The following LRRIQ1 variants were observed in gnomAD, a reference collection of about 807,000 sequenced individuals.
LRRIQ1 encodes leucine-rich repeat- and IQ domain-containing protein 1.
Under a neutral mutation model 211.9 loss-of-function variants are expected in LRRIQ1, and 210 were observed. The observed-to-expected ratio is 0.99, with a 90% CI of 0.89 to 1.11. The LOEUF (loss-of-function observed/expected upper bound fraction) is 1.11. Among genes scored for constraint, LRRIQ1 ranks in the 50% most tolerant of loss-of-function variants. The pLI, the probability that LRRIQ1 is intolerant of heterozygous loss-of-function variation, is 0.00. For synonymous variants in LRRIQ1, 699 were observed against 650.1 expected (o/e 1.08, Z -1.14); for missense variants, 2,136 against 1,939.5 (o/e 1.10, Z -1.90).
intron 4 of LRRIQ1, among the ~76,000 whole-genome samples, chr12:85,045,358 A>G (rs1403003492): frequency 6.6e-6 from 1 of 151,932 alleles, no homozygotes; most frequent in Non-Finnish European, 1.5e-5. Flanking sequence ...CATTTTATCC[A>G]GCTTTCTCTC....
At chr12:85,150,719 G>A (rs374942735) in intron 19 of LRRIQ1, among the ~76,000 whole-genome samples, 1 of 151,570 alleles carries the variant, frequency 6.6e-6, no homozygotes, top group Non-Finnish European at 1.5e-5. Context: ...TGAGAAGGAG[G>A]AATACTCATG....
At chr12:85,047,615 C>G in intron 6 of LRRIQ1, 145 bp downstream of exon 6, 1 of 654,078 alleles carries the variant, frequency 1.5e-6, no homozygotes, top group Non-Finnish European at 2.6e-6. Context: ...TGTGAATTAA[C>G]AGTATTTAAT....
intron 19 of LRRIQ1, among the ~76,000 whole-genome samples, chr12:85,146,852 G>T (rs546660520): frequency 6.6e-6 from 1 of 151,560 alleles, no homozygotes; most frequent in South Asian, 2.1e-4. Flanking sequence ...GCCTATACTC[G>T]CTGTTAGAGA....
In LRRIQ1 at chr12:85,244,911, T is replaced by C. The variant is rs1324048702; in HGVS notation, c.5139T>C (p.Ser1713=). Residue 1713 remains serine, a synonymous_variant, in exon 27 of 27, where the codon AGT becomes AGC. Coordinates refer to ENST00000393217, the MANE Select transcript of LRRIQ1 (RefSeq NM_001079910.2). The part of the protein sequence containing the change: ...QAHRHSAGSS[S]KLWFPSKLI ...ACAGACACTCAGCAGGATCTTCAAG[T>C]AAGTTGTGGTTTCCTTCAAAATTAA... 4 of 1,610,700 alleles carry C rather than the reference T, an allele frequency of 2.5e-6. No individual in the cohort carries two copies. Among genetic ancestry groups the C allele is most frequent in the Non-Finnish European group, 3.4e-6 (4 of 1,177,988 alleles).
chr12:85,213,547 C>T (rs1028906810), intron 24 of LRRIQ1, among the ~76,000 whole-genome samples: 3 of 151,846 alleles, frequency 2.0e-5, no homozygotes, highest in Admixed American at 6.6e-5. Flanking sequence ...TATCCTTAGG[C>T]CCACATAGGA....
intron 19 of LRRIQ1, among the ~76,000 whole-genome samples, chr12:85,142,081 A>G (rs1479528257): frequency 6.6e-6 from 1 of 151,432 alleles, no homozygotes; most frequent in African/African-American, 2.4e-5. Flanking sequence ...CTCTAAGAAT[A>G]GAATTCTAGT....
intron 14 of LRRIQ1, among the ~76,000 whole-genome samples, chr12:85,105,369 T>A (rs985312419): frequency 6.6e-5 from 10 of 152,158 alleles, no homozygotes; most frequent in Non-Finnish European, 1.5e-5. Context: ...TTTTTATGTA[T>A]GGTGTGAAGT....
At chr12:85,161,456 A>C (rs187536186) in intron 24 of LRRIQ1, among the ~76,000 whole-genome samples, 2 of 152,112 alleles carry the variant, frequency 1.3e-5, no homozygotes, top group Admixed American at 1.3e-4. Context: ...AGTTTTTTAT[A>C]ATTTAACCTA....
chr12:85,148,919 T>TA (rs1446554098), intron 19 of LRRIQ1, among the ~76,000 whole-genome samples: 1 of 151,942 alleles, frequency 6.6e-6, no homozygotes, highest in Non-Finnish European at 1.5e-5. Flanking sequence ...AACTTTTTTT[T>TA]ATATGTTTGT....
At chr12:85,092,204 G>T (rs1885465157) in intron 11 of LRRIQ1, among the ~76,000 whole-genome samples, 1 of 152,182 alleles carries the variant, frequency 6.6e-6, no homozygotes, top group African/African-American at 2.4e-5. Context: ...CCATCAGTGA[G>T]TGGCAAGTAA....
chr12:85,122,220 A>G (rs1592836908), intron 16 of LRRIQ1, among the ~76,000 whole-genome samples: 1 of 152,322 alleles, frequency 6.6e-6, no homozygotes, highest in South Asian at 2.1e-4. Context: ...AATAATTCAC[A>G]AATTAACATA....
chr12:85,084,263 G>T (rs913993786), intron 11 of LRRIQ1, among the ~76,000 whole-genome samples: 3 of 152,086 alleles, frequency 2.0e-5, no homozygotes. Flanking sequence ...TAATCTTTGA[G>T]TACCAACAAA....
chr12:85,208,217 A>G (rs1333125282), intron 24 of LRRIQ1, among the ~76,000 whole-genome samples: 1 of 152,086 alleles, frequency 6.6e-6, no homozygotes, highest in Non-Finnish European at 1.5e-5. Flanking sequence ...AAAAAAAGAA[A>G]TGAAAGTTGA....
intron 19 of LRRIQ1, among the ~76,000 whole-genome samples, chr12:85,151,862 G>T (rs1260474100): frequency 1.3e-5 from 2 of 151,364 alleles, no homozygotes; most frequent in African/African-American, 4.8e-5. Flanking sequence ...AGAAAAAGCT[G>T]GTTTATAGAC....
At chr12:85,140,129 G>A (rs2136569917) in intron 19 of LRRIQ1, among the ~76,000 whole-genome samples, 1 of 151,308 alleles carries the variant, frequency 6.6e-6, no homozygotes, top group South Asian at 2.1e-4. Flanking sequence ...TATCTCCAAT[G>A]TTTTTCAAAA....
intron 24 of LRRIQ1, among the ~76,000 whole-genome samples, chr12:85,178,336 C>T (rs181675388): frequency 1.3e-5 from 2 of 152,176 alleles, no homozygotes; most frequent in Non-Finnish European, 2.9e-5. Flanking sequence ...TATTATTCCA[C>T]CTCCTCCTCA....
intron 24 of LRRIQ1, among the ~76,000 whole-genome samples, chr12:85,220,194 T>C (rs1894333262): frequency 6.6e-6 from 1 of 152,110 alleles, no homozygotes; most frequent in South Asian, 2.1e-4. Context: ...AAACTTTTGG[T>C]AAGGAAATGA....
At chr12:85,249,225 T>C (rs1895827840), downstream of LRRIQ1, among the ~76,000 whole-genome samples, 1 of 151,796 alleles carries the variant, frequency 6.6e-6, no homozygotes, top group African/African-American at 2.4e-5. Flanking sequence ...GGATAGTACC[T>C]AAAGCAAAAG....
At chr12:85,107,754 A>G (rs568759785) in intron 15 of LRRIQ1, among the ~76,000 whole-genome samples, 5 of 151,982 alleles carry the variant, frequency 3.3e-5, no homozygotes, top group Non-Finnish European at 5.9e-5. Flanking sequence ...CTCACTCCGA[A>G]TAGTTTCTAT....
Sources: gnomAD v4.1 joint callset for allele counts (sites outside exome capture counted in the v4.1 genomes callset) on GRCh38, gnomAD v4.1.1 for gene constraint, MANE v1.5 for transcripts, NCBI Gene and HGNC (gene_info 2026-07-23, HGNC 2026-07-21) for gene names.